The following ADAM22 variants were observed in gnomAD, a reference collection of about 807,000 sequenced individuals.
ADAM22 encodes disintegrin and metalloproteinase domain-containing protein 22.
Under a neutral mutation model 144.6 loss-of-function variants are expected in ADAM22, and 65 were observed. The ratio of observed to expected loss-of-function variants is 0.45; its 90% confidence interval spans 0.37 to 0.55. The LOEUF is 0.55. Among genes scored for constraint, ADAM22 ranks in the 20% least tolerant of loss-of-function variants. The probability of loss-of-function intolerance (pLI) is 0.00; values close to 1 mark genes in which losing one functional copy is unlikely to be tolerated. For missense variants in ADAM22, 974 were observed against 1,184.9 expected, an observed-to-expected ratio of 0.82 and a Z score of 2.61; for synonymous variants, 391 against 412.6, an observed-to-expected ratio of 0.95 and a Z score of 0.63.
chr7:88,129,663 G>A (rs143151521), intron 9 of ADAM22, among the ~76,000 whole-genome samples: 1 of 152,138 alleles, frequency 6.6e-6, no homozygotes, highest in East Asian at 1.9e-4. Context: ...ATAGACATCA[G>A]TAGACATATA....
At chr7:88,183,086 C>A (rs911557915) in intron 29 of ADAM22, among the ~76,000 whole-genome samples, 3 of 152,164 alleles carry the variant, frequency 2.0e-5, no homozygotes, top group Non-Finnish European at 4.4e-5. Context: ...TTGTAAGTGG[C>A]TTGTCAACAT....
chr7:88,166,721 G>A (rs1022199218), intron 24 of ADAM22, among the ~76,000 whole-genome samples: 4 of 152,112 alleles, frequency 2.6e-5, no homozygotes, highest in Non-Finnish European at 4.4e-5. Flanking sequence ...GAAAATCATA[G>A]GATGATTAAG....
chr7:88,027,116 G>A (rs1353014207), intron 3 of ADAM22, among the ~76,000 whole-genome samples: 3 of 152,234 alleles, frequency 2.0e-5, no homozygotes, highest in South Asian at 4.2e-4. Flanking sequence ...TTAATGTATT[G>A]TTGAATTTGG....
chr7:88,146,628 G>C (rs191070116), intron 17 of ADAM22, among the ~76,000 whole-genome samples: 1 of 152,314 alleles, frequency 6.6e-6, no homozygotes, highest in African/African-American at 2.4e-5. Flanking sequence ...AATCACCCCT[G>C]GTGGAGACCA....
chr7:87,937,577 A>G (rs1410496808), intron 2 of ADAM22, among the ~76,000 whole-genome samples: 2 of 152,172 alleles, frequency 1.3e-5, no homozygotes, highest in East Asian at 3.9e-4. Context: ...AAAGACCACC[A>G]CTTTTGAAAA....
intron 12 of ADAM22, among the ~76,000 whole-genome samples, chr7:88,133,244 C>A (rs536803610): frequency 6.6e-6 from 1 of 151,790 alleles, no homozygotes; most frequent in East Asian, 1.9e-4. Flanking sequence ...GTGCCTGTAG[C>A]CCCAGCTACT....
intron 30 of ADAM22, among the ~76,000 whole-genome samples, chr7:88,190,098 T>C (rs1849280490): frequency 6.6e-6 from 1 of 152,212 alleles, no homozygotes; most frequent in African/African-American, 2.4e-5. Context: ...TGAACTGAGG[T>C]TGGCCTTACA....
At chr7:87,982,286 A>T (rs1181165037) in intron 3 of ADAM22, among the ~76,000 whole-genome samples, 1 of 152,034 alleles carries the variant, frequency 6.6e-6, no homozygotes, top group East Asian at 1.9e-4. Flanking sequence ...AGTGCCATTT[A>T]TAGAGAGTGT....
intron 4 of ADAM22, among the ~76,000 whole-genome samples, chr7:88,092,508 T>A (rs760998952): frequency 7.2e-5 from 11 of 152,258 alleles, no homozygotes; most frequent in Non-Finnish European, 1.3e-4. Context: ...TCATTTAGTA[T>A]CTTCTGGATG....
At chr7:87,934,891 T>C (rs752564718) in intron 1 of ADAM22, 135 bp from the exon 2 acceptor site, 9 of 1,239,536 alleles carry the variant, frequency 7.3e-6, no homozygotes, top group South Asian at 6.4e-5. Flanking sequence ...TCCTTCCCAG[T>C]TGGGTTCCGA....
intron 2 of ADAM22, among the ~76,000 whole-genome samples, chr7:87,971,674 G>C (rs1414665451): frequency 6.6e-6 from 1 of 151,996 alleles, no homozygotes; most frequent in East Asian, 1.9e-4. Flanking sequence ...ATTTTTCCTT[G>C]ACAGTACCTT....
intron 4 of ADAM22, among the ~76,000 whole-genome samples, chr7:88,076,284 C>G (rs1043958997): frequency 6.6e-6 from 1 of 152,104 alleles, no homozygotes; most frequent in African/African-American, 2.4e-5. Flanking sequence ...GTGATCCACC[C>G]GCTCCGGCCT....
chr7:88,131,528 A>T, intron 11 of ADAM22, 93 bp downstream of exon 11: 1 of 1,364,284 alleles, frequency 7.3e-7, no homozygotes, highest in East Asian at 2.4e-5. Flanking sequence ...TACATAACAC[A>T]ATTAGGATTT....
intron 4 of ADAM22, among the ~76,000 whole-genome samples, chr7:88,089,032 A>G (rs1363540459): frequency 6.6e-6 from 1 of 152,044 alleles, no homozygotes; most frequent in Non-Finnish European, 1.5e-5. Context: ...GTGCAAATTG[A>G]ATAGTAAAGA....
chr7:88,077,970 C>T (rs1310455835), intron 4 of ADAM22, among the ~76,000 whole-genome samples: 1 of 152,242 alleles, frequency 6.6e-6, no homozygotes, highest in Non-Finnish European at 1.5e-5. Context: ...TTAAATGTCC[C>T]TGTCTGTCAG....
intron 3 of ADAM22, among the ~76,000 whole-genome samples, chr7:88,016,131 T>C (rs1302749015): frequency 6.6e-6 from 1 of 152,236 alleles, no homozygotes; most frequent in African/African-American, 2.4e-5. Context: ...TCAGACTTGC[T>C]AGTGTATGAG....
rs112465019 is a variant in ADAM22 at position 88,189,450 on chromosome 7, T to C, written c.2750+2749T>C. 6.9e-3 allele frequency among the ~76,000 whole-genome samples: 1,055 copies of C among 152,312 alleles called. 12 individuals carry two copies. The highest frequency in any genetic ancestry group is 0.024 in the African/African-American group (1,000 of 41,558). ...CCTTTATTCCTCACATCCTAGAGTG[T>C]AAGCATTCTTATTACCTTTCTGTAG... is the stretch of plus-strand genomic sequence containing the variant. On this transcript the variant is annotated intron_variant, in intron 30 of 31. Transcript: ENST00000413139.
At chr7:87,994,510 CTTG>C (rs1238355703) in intron 3 of ADAM22, among the ~76,000 whole-genome samples, 1 of 152,134 alleles carries the variant, frequency 6.6e-6, no homozygotes, top group Non-Finnish European at 1.5e-5. Context: ...ATCTGATAGC[CTTG>C]TTGTCACTTG....
intron 3 of ADAM22, among the ~76,000 whole-genome samples, chr7:88,028,679 A>G (rs926606021): frequency 2.7e-5 from 4 of 150,938 alleles, no homozygotes; most frequent in African/African-American, 7.3e-5. Context: ...GAGTGTGTGT[A>G]TATATATATA....
Sources: allele counts gnomAD v4.1 joint callset (sites outside exome capture counted in the v4.1 genomes callset), GRCh38; gene constraint gnomAD v4.1.1; transcripts MANE v1.5; gene names NCBI Gene and HGNC (gene_info 2026-07-23, HGNC 2026-07-21).